Variants in LRP4 observed in about 807,000 individuals in gnomAD.
LRP4 encodes low-density lipoprotein receptor-related protein 4.
Under a neutral mutation model 220.3 loss-of-function variants are expected in LRP4, and 95 were observed. The ratio of observed to expected loss-of-function variants is 0.43; its 90% confidence interval spans 0.37 to 0.51. The LOEUF (loss-of-function observed/expected upper bound fraction) is 0.51, where lower values mean the gene tolerates loss of function less well. LRP4 is among the 20% of genes least tolerant of loss of function. LRP4 has a pLI of 0.00. For synonymous variants in LRP4, 903 were observed against 954.6 expected, an observed-to-expected ratio of 0.95 and a Z score of 1.00; for missense variants, 1,925 against 2,567.0, an observed-to-expected ratio of 0.75 and a Z score of 5.40.
At chr11:46,874,299 T>C (rs1196784501) in intron 28 of LRP4, 1 of 164,498 alleles carries the variant, frequency 6.1e-6, no homozygotes. Context: ...ATATCTGCCA[T>C]GGTAAACCAC....
At chr11:46,896,091 T>G in intron 9 of LRP4, 73 bp from the exon 10 acceptor site, 1 of 1,612,388 alleles carries the variant, frequency 6.2e-7, no homozygotes, top group Non-Finnish European at 8.5e-7. Context: ...GCATTCCACC[T>G]GGACCACAAA....
At chr11:46,868,241 G>C in intron 33 of LRP4, 127 bp from the exon 34 acceptor site, 1 of 1,074,826 alleles carries the variant, frequency 9.3e-7, no homozygotes, top group Non-Finnish European at 1.4e-6. Context: ...ACCTTCATTA[G>C]TAGCCCTTCT....
intron 1 of LRP4, among the ~76,000 whole-genome samples, chr11:46,911,875 C>G (rs1941865742): frequency 6.9e-6 from 1 of 145,246 alleles, no homozygotes; most frequent in Non-Finnish European, 1.5e-5. Flanking sequence ...CGGAGTCTCG[C>G]TCTGTCGCTC....
intron 1 of LRP4, among the ~76,000 whole-genome samples, chr11:46,903,549 T>C (rs1461750787): frequency 2.0e-5 from 3 of 152,056 alleles, no homozygotes; most frequent in East Asian, 3.9e-4. Flanking sequence ...ACTCAGAGGT[T>C]TGGTGCTTTT....
chr11:46,894,650 G>A lies in LRP4; in HGVS notation c.1479C>T (p.Leu493=). 1 of 1,614,156 alleles carries A rather than the reference G, an allele frequency of 6.2e-7. No individual in the cohort carries two copies. Among genetic ancestry groups the A allele is most frequent in the Non-Finnish European group, 8.5e-7 (1 of 1,180,018 alleles). The change falls in exon 12 of 38, where the codon CTC becomes CTT. Residue 493 remains leucine (L), a synonymous_variant. Coordinates refer to ENST00000378623, the MANE Select transcript of LRP4 (RefSeq NM_002334.4). The part of the protein sequence containing the change: ...FWSDVTLDRI[L]RANLNGSNVE... ...CGTTGCTGCCGTTGAGGTTGGCACG[G>A]AGGATCCGGTCCAGGGTGACATCTG...
intron 16 of LRP4, among the ~76,000 whole-genome samples, chr11:46,887,101 C>G (rs771678581): frequency 3.3e-5 from 5 of 152,276 alleles, no homozygotes; most frequent in Admixed American, 6.5e-5. Context: ...GAAACTTGCC[C>G]AGGATCCCAT....
chr11:46,879,424 G>A, intron 20 of LRP4, 109 bp from the exon 21 acceptor site: 2 of 1,071,198 alleles, frequency 1.9e-6, no homozygotes, highest in South Asian at 2.6e-5. Context: ...AACACCTACT[G>A]GGTGACCTCC....
At chr11:46,883,138 A>T (rs764717515) in intron 19 of LRP4, among the ~76,000 whole-genome samples, 38 of 152,362 alleles carry the variant, frequency 2.5e-4, no homozygotes, top group Admixed American at 2.2e-3. Flanking sequence ...TTGCAAGTAA[A>T]CCAACAATAA....
At chr11:46,898,508 C>A (rs370929769) in intron 7 of LRP4, 50 bp downstream of exon 7, 1 of 1,612,824 alleles carries the variant, frequency 6.2e-7, no homozygotes, top group East Asian at 2.2e-5. Flanking sequence ...TTTGGCTCCA[C>A]AAGCCTTCTC....
At position 46,877,818 on chromosome 11, in the gene LRP4, G is replaced by A. The variant is rs186835605; in HGVS notation, c.3137-479C>T. On this transcript the variant is annotated intron_variant, in intron 22 of 37. Transcript: ENST00000378623. ...ATCTATAAAATGGGGACAATAATGG[G>A]GTGGCTGTAAGGGTTAAAAGATCAT... 5.9e-5 allele frequency among the ~76,000 whole-genome samples: 9 copies of A among 152,094 alleles called. No individual in the cohort carries two copies. The South Asian group carries it at 8.3e-4, about 14-fold the overall frequency.
chr11:46,903,598 A>G (rs149451227), intron 1 of LRP4, among the ~76,000 whole-genome samples: 1 of 152,366 alleles, frequency 6.6e-6, no homozygotes, highest in African/African-American at 2.4e-5. Flanking sequence ...TGATGTTGAG[A>G]GGCCTCCATA....
chr11:46,873,708 G>T lies in LRP4; in HGVS notation c.4230-115C>A. 1.3e-6 allele frequency: 1 copy of T among 754,430 alleles called. No homozygotes were observed. Among genetic ancestry groups the T allele is most frequent in the Non-Finnish European group, 2.2e-6 (1 of 457,192 alleles). The allele number at this position is 754,430 out of a possible 1,614,324, so 46.7% of individuals were successfully genotyped here. On this transcript the variant is annotated intron_variant, in intron 28 of 37. Transcript: ENST00000378623. This position sits in a 1 kb window ranked among gnomAD's most constrained non-coding sequence, Gnocchi z 4.2. ...GAACTGTAAGCTCCACAGGGATAGA[G>T]ACCAGGTATCTATGAGTACATTCCT...
At chr11:46,881,666 G>A in intron 20 of LRP4, 36 bp downstream of exon 20, 1 of 1,599,104 alleles carries the variant, frequency 6.3e-7, no homozygotes, top group East Asian at 2.2e-5. Context: ...AGATGTTTTA[G>A]TGCCACCCTT....
intron 31 of LRP4, among the ~76,000 whole-genome samples, chr11:46,871,006 C>T (rs955018548): frequency 6.6e-6 from 1 of 152,168 alleles, no homozygotes; most frequent in Admixed American, 6.5e-5. Context: ...TTTAATAATA[C>T]AGATAGAACT....
chr11:46,914,296 T>C (rs1263976362), intron 1 of LRP4, among the ~76,000 whole-genome samples: 3 of 152,148 alleles, frequency 2.0e-5, no homozygotes, highest in African/African-American at 7.2e-5. Flanking sequence ...CAAACCCAGG[T>C]CTGTGGGTGC....
At chr11:46,883,105 ATTTT>A (rs1380669260) in intron 19 of LRP4, among the ~76,000 whole-genome samples, 1 of 152,230 alleles carries the variant, frequency 6.6e-6, no homozygotes, top group Non-Finnish European at 1.5e-5. Context: ...ACAGATTTAA[ATTTT>A]TTTAACAATG....
rs1271220504 is a variant in LRP4, at chr11:46,878,929, A to G, written c.3114T>C (p.Ser1038=). 6.2e-7 allele frequency: 1 copy of G among 1,614,226 alleles called. No homozygotes were observed. The highest frequency in any genetic ancestry group is 1.7e-5 in the Admixed American group (1 of 60,032). Reference sequence around the variant, plus strand: ...CACCTGGTGAGCAGGTCTTGCCATCAGACAGCAGGTTGATGCCTGTGGGGC... The same window carrying G: ...CACCTGGTGAGCAGGTCTTGCCATCGGACAGCAGGTTGATGCCTGTGGGGC... ...CTCPTGINLL[S]DGKTCSPGMN... is the part of the protein sequence containing the mutation. The change falls in exon 22 of 38, where the codon TCT becomes TCC. Residue 1038 remains serine, a synonymous_variant. Transcript: ENST00000378623.
At position 46,918,241 on chromosome 11, in the gene LRP4, G is replaced by T; in HGVS notation, c.52+87C>A. On this transcript the variant is annotated intron_variant, in intron 1 of 37. Transcript: ENST00000378623. The surrounding 1 kb of genome is among the most constrained non-coding windows in gnomAD (Gnocchi z 6.0). ...TAGGAGCGAGGGCGAGGGGTCTCAG[G>T]CCCCGGCCCGCGCCGTCCAGGTCCC... 2 of 1,391,968 alleles carry T rather than the reference G, an allele frequency of 1.4e-6. No homozygotes were observed. The highest frequency in any genetic ancestry group is 1.9e-6 in the Non-Finnish European group (2 of 1,032,196). The allele number at this position is 1,391,968 out of a possible 1,614,324, so 86.2% of individuals were successfully genotyped here.
chr11:46,877,441 A>G, intron 22 of LRP4, 102 bp from the exon 23 acceptor site: 1 of 1,235,588 alleles, frequency 8.1e-7, no homozygotes, highest in Non-Finnish European at 1.2e-6. Flanking sequence ...GCTAGTTTCT[A>G]GCTATGTTAT....
Sources: allele counts gnomAD v4.1 joint callset (sites outside exome capture counted in the v4.1 genomes callset), GRCh38; gene constraint gnomAD v4.1.1; non-coding constraint Gnocchi (gnomAD v3.1); transcripts MANE v1.5; gene names NCBI Gene and HGNC (gene_info 2026-07-23, HGNC 2026-07-21).